The following DNAJC10 variants were observed in gnomAD, a reference collection of about 807,000 sequenced individuals.
DNAJC10 encodes the protein DnaJ heat shock protein family (Hsp40) member C10, also known as endoplasmic reticulum disulfide reductase DNAJC10.
A neutral mutation model predicts 115.0 loss-of-function variants in DNAJC10; 101 were observed. The observed-to-expected ratio is 0.88, with a 90% CI of 0.75 to 1.04. DNAJC10 has a LOEUF of 1.04. DNAJC10 is among the 50% of genes least tolerant of loss of function. DNAJC10 has a pLI of 0.00. For missense variants in DNAJC10, 981 were observed against 928.8 expected, an observed-to-expected ratio of 1.06 and a Z score of -0.73; for synonymous variants, 307 against 301.5, an observed-to-expected ratio of 1.02 and a Z score of -0.19.
At chr2:182,723,571 C>T (rs979650457) in intron 5 of DNAJC10, among the ~76,000 whole-genome samples, 2 of 152,154 alleles carry the variant, frequency 1.3e-5, no homozygotes, top group South Asian at 2.1e-4. Context: ...AATCATAACT[C>T]TCGTGTGAGT....
At chr2:182,756,898 C>G (rs1694171248) in intron 18 of DNAJC10, among the ~76,000 whole-genome samples, 3 of 152,148 alleles carry the variant, frequency 2.0e-5, no homozygotes, top group African/African-American at 7.2e-5. Context: ...TTCTGCCTTT[C>G]AAAGTGCTGG....
chr2:182,728,866 A>G lies in DNAJC10; in HGVS notation c.505A>G (p.Arg169Gly), dbSNP rs570009789. Residue 169 changes from arginine (R) to glycine (G), a missense_variant, in exon 7 of 24, where the codon AGA becomes GGA. Transcript: ENST00000264065. ...SHCHDLAPTW[R>G]DFAKEVDGLL... ...ATGTTTTCTTTTTCTGTCATAGTGG[A>G]GAGACTTTGCTAAAGAAGTGGATGG... is the stretch of plus-strand genomic sequence containing the variant. 3 of 1,614,048 alleles carry G rather than the reference A, an allele frequency of 1.9e-6. No homozygotes were observed. The highest frequency in any genetic ancestry group is 2.2e-5 in the South Asian group (2 of 91,074).
In DNAJC10 at chr2:182,779,675, T is replaced by C. The variant is rs1694798357; in HGVS notation, c.*2543T>C. The C allele has an allele frequency of 6.6e-6, 1 of 152,230 alleles. No individual in the cohort carries two copies. Among genetic ancestry groups the C allele is most frequent in the Non-Finnish European group, 1.5e-5 (1 of 68,044 alleles). 9.4% of individuals were successfully genotyped at this position (152,230 alleles called of 1,614,324 possible). A position where few individuals can be genotyped will look rare whatever the true frequency, so the allele number is the denominator to read the frequency against. ...TTCATAGCTTTTTTATTTAAAGGTA[T>C]ATGATTAAGATAAAGGAAAAGTAAA... On this transcript the variant is annotated 3_prime_UTR_variant, in exon 24 of 24. Coordinates refer to ENST00000264065, the MANE Select transcript of DNAJC10 (RefSeq NM_018981.4).
chr2:182,751,002 G>A (rs565100948), intron 14 of DNAJC10, among the ~76,000 whole-genome samples: 9 of 152,170 alleles, frequency 5.9e-5, no homozygotes, highest in Admixed American at 5.2e-4. Context: ...AGAAGTCTAG[G>A]TTGTAGAAAA....
rs555100588 is a variant in DNAJC10, at chr2:182,747,285, G to A, written c.1306+3573G>A. Among the ~76,000 whole-genome samples the A allele has an allele frequency of 1.8e-3, 272 of 152,232 alleles. 2 individuals are homozygous for A. Among genetic ancestry groups the A allele is most frequent in the African/African-American group, 6.2e-3 (259 of 41,532 alleles). On this transcript the variant is annotated intron_variant, in intron 14 of 23. Coordinates refer to ENST00000264065, the MANE Select transcript of DNAJC10 (RefSeq NM_018981.4). ...CTGTGAAGAAAGGCATTGGTAGCTTGATGGGGATGGCATTGAATCTGTAAA... is the reference window on the plus strand; with the variant it reads ...CTGTGAAGAAAGGCATTGGTAGCTTAATGGGGATGGCATTGAATCTGTAAA...
chr2:182,734,055 T>G (rs2105631404), intron 10 of DNAJC10, among the ~76,000 whole-genome samples: 1 of 149,756 alleles, frequency 6.7e-6, no homozygotes, highest in Non-Finnish European at 1.5e-5. Flanking sequence ...CCTTTATAAG[T>G]CTTTTCAAAG....
chr2:182,773,172 T>C (rs1436184655), intron 22 of DNAJC10, among the ~76,000 whole-genome samples: 1 of 152,222 alleles, frequency 6.6e-6, no homozygotes, highest in Non-Finnish European at 1.5e-5. Context: ...CACTATCTCC[T>C]GGCTTGTAGG....
At chr2:182,761,388 G>A (rs145079855) in intron 21 of DNAJC10, among the ~76,000 whole-genome samples, 71 of 152,226 alleles carry the variant, frequency 4.7e-4, no homozygotes, top group Non-Finnish European at 7.9e-4. Flanking sequence ...CTTACTTTCG[G>A]TATGCAAGTG....
At chr2:182,739,234 T>TA (rs1342547611) in intron 11 of DNAJC10, among the ~76,000 whole-genome samples, 6 of 145,200 alleles carry the variant, frequency 4.1e-5, no homozygotes, top group Admixed American at 7.0e-5. Flanking sequence ...TCATATATAT[T>TA]TATATATATA....
chr2:182,758,332 C>A (rs879380259), intron 19 of DNAJC10, among the ~76,000 whole-genome samples: 1 of 152,068 alleles, frequency 6.6e-6, no homozygotes, highest in Non-Finnish European at 1.5e-5. Flanking sequence ...TTCCACAACA[C>A]CACGTGGTAT....
rs1404493210 is a variant in DNAJC10, at chr2:182,785,045, A to AAAGTT, written c.*7916_*7920dup. The AAAGTT allele has an allele frequency of 2.6e-5, 4 of 152,218 alleles. No homozygotes were observed. Among genetic ancestry groups the AAAGTT allele is most frequent in the African/African-American group, 9.6e-5 (4 of 41,470 alleles). The allele number at this position is 152,218 out of a possible 1,614,324, so 9.4% of individuals were successfully genotyped here. On this transcript the variant is annotated 3_prime_UTR_variant, in exon 24 of 24. Transcript: ENST00000264065. ...ATGTTTGACTATGAGAAATTGCAGAAAAGTTAAAAGTATTTCGCATCCAAA... is the reference window on the plus strand; with the variant it reads ...ATGTTTGACTATGAGAAATTGCAGAAAAGTTAAGTTAAAAGTATTTCGCATCCAAA...
Position 182,752,120 on chromosome 2 carries a change from A to G in DNAJC10, c.1483A>G (p.Asn495Asp), listed in dbSNP as rs371935982. Residue 495 changes from asparagine (N) to aspartate (D), a missense_variant, in exon 16 of 24, where the codon AAT becomes GAT. Coordinates refer to ENST00000264065, the MANE Select transcript of DNAJC10 (RefSeq NM_018981.4). ...ALLPELRRAS[N>D]LLYGQLKFGT... Reference sequence around the variant, plus strand: ...ACTACCAGAGTTACGAAGAGCATCAAATCTTCTTTATGGTCAGCTTAAGTT... The same window carrying G: ...ACTACCAGAGTTACGAAGAGCATCAGATCTTCTTTATGGTCAGCTTAAGTT... The G allele has an allele frequency of 1.3e-5, 21 of 1,613,884 alleles. No individual in the cohort carries two copies. Among genetic ancestry groups the G allele is most frequent in the South Asian group, 4.4e-5 (4 of 91,042 alleles).
rs772726134 is a variant in DNAJC10, at chr2:182,775,420, G to A, written c.2370G>A (p.Lys790=). 3 of 1,602,072 alleles carry A rather than the reference G, an allele frequency of 1.9e-6. No individual in the cohort carries two copies. The highest frequency in any genetic ancestry group is 2.6e-6 in the Non-Finnish European group (3 of 1,170,474). ...ETLRNQGKRN[K]DEL ...TCCGAAATCAAGGCAAGAGGAATAA[G>A]GTATGGACTAAGCCTAGAGTTGACT... Residue 790 remains lysine, a splice_region_variant and synonymous_variant, in exon 23 of 24, where the codon AAG becomes AAA. Coordinates refer to ENST00000264065, the MANE Select transcript of DNAJC10 (RefSeq NM_018981.4).
chr2:182,753,207 G>A (rs1248163144), intron 16 of DNAJC10, among the ~76,000 whole-genome samples: 5 of 152,168 alleles, frequency 3.3e-5, no homozygotes, highest in African/African-American at 1.2e-4. Context: ...GTAGCCATGA[G>A]TCAGTGATTA....
intron 11 of DNAJC10, among the ~76,000 whole-genome samples, chr2:182,737,705 A>C (rs538384412): frequency 6.6e-6 from 1 of 152,330 alleles, no homozygotes; most frequent in African/African-American, 2.4e-5. Context: ...AGTGTCTCAA[A>C]TTTAAATGCC....
Position 182,756,374 on chromosome 2 carries a change from CAAAG to C in DNAJC10, c.1718_1721del (p.Arg573AsnfsTer21), listed in dbSNP as rs1307259846. 1.2e-6 allele frequency: 2 copies of C among 1,613,978 alleles called. No homozygotes were observed. On this transcript the variant is annotated frameshift_variant, in exon 18 of 24. Coordinates refer to ENST00000264065, the MANE Select transcript of DNAJC10 (RefSeq NM_018981.4). LOFTEE classifies it high-confidence loss of function. ...CACCACCTTCAACGAACTAGTTACA[CAAAG>C]AAAACACAACGAAGTCTGGATGGTT...
At chr2:182,740,534 G>T in intron 12 of DNAJC10, 146 bp downstream of exon 12, 1 of 732,838 alleles carries the variant, frequency 1.4e-6, no homozygotes, top group Non-Finnish European at 2.0e-6. Flanking sequence ...GTCAATTGTA[G>T]GTTAAATTCT....
At chr2:182,757,552 TA>T in intron 18 of DNAJC10, 139 bp from the exon 19 acceptor site, 1 of 569,252 alleles carries the variant, frequency 1.8e-6, no homozygotes, top group Non-Finnish European at 2.8e-6. Context: ...TATTATATGT[TA>T]AACCCTTATC....
chr2:182,748,379 A>G (rs1018587883), intron 14 of DNAJC10, among the ~76,000 whole-genome samples: 2 of 152,138 alleles, frequency 1.3e-5, no homozygotes, highest in Non-Finnish European at 2.9e-5. Context: ...TTTGTTTGGT[A>G]AGCTATTGAT....
Sources: gnomAD v4.1 joint callset for allele counts (sites outside exome capture counted in the v4.1 genomes callset) on GRCh38, gnomAD v4.1.1 for gene constraint, MANE v1.5 for transcripts, NCBI Gene and HGNC (gene_info 2026-07-23, HGNC 2026-07-21) for gene names.